RMST: variants seen among roughly 807,000 people sequenced by gnomAD.
The protein encoded by RMST is long intergenic non-protein coding RNA 54.
chr12:97,516,733 T>C (rs988476455), intron 10 of RMST, among the ~76,000 whole-genome samples: 14 of 151,898 alleles, frequency 9.2e-5, no homozygotes, highest in Admixed American at 2.0e-4. Flanking sequence ...TTTATGTTAG[T>C]TTTGTGTTAA....
intron 10 of RMST, chr12:97,530,375 T>G (rs1881518015): frequency 6.6e-6 from 1 of 152,084 alleles, no homozygotes; most frequent in African/African-American, 2.4e-5. Flanking sequence ...AAATCAATCT[T>G]GTCACTCCTC....
chr12:97,507,446 T>G (rs979305929), intron 10 of RMST, among the ~76,000 whole-genome samples: 3 of 152,110 alleles, frequency 2.0e-5, no homozygotes, highest in African/African-American at 7.2e-5. Flanking sequence ...GAAGACAGAC[T>G]AGATTCAATA....
Position 97,506,305 on chromosome 12 carries a change from T to A in RMST, n.1340+10249T>A, listed in dbSNP as rs559147879. On this transcript the variant is annotated intron_variant and non_coding_transcript_variant, in intron 10 of 13. Coordinates refer to ENST00000640149, the Ensembl canonical transcript of RMST. The stretch of plus-strand genomic sequence containing the variant: ...ATCTAATTCATAAAACTAATCTGTA[T>A]TTAACATGAGAGACATATTGAAATC... 2.0e-5 allele frequency among the ~76,000 whole-genome samples: 3 copies of A among 152,352 alleles called. No individual in the cohort carries two copies. In the South Asian group the frequency reaches 6.2e-4, roughly 32 times the overall value.
intron 5 of RMST, among the ~76,000 whole-genome samples, chr12:97,477,888 T>C (rs1187482561): frequency 6.6e-6 from 1 of 152,218 alleles, no homozygotes; most frequent in Non-Finnish European, 1.5e-5. Flanking sequence ...TTATTCAGCA[T>C]TGTCTAGGGA....
rs370256223 is a variant in RMST at position 97,499,591 on chromosome 12, A to G, written n.1340+3535A>G. ...ATCAAAGTGTTTTGTAAACTCTAAA[A>G]TGATATAGAGCTTTTTATGTTTTCT... On this transcript the variant is annotated intron_variant and non_coding_transcript_variant, in intron 10 of 13. Coordinates refer to ENST00000640149, the Ensembl canonical transcript of RMST. 2.4e-4 allele frequency among the ~76,000 whole-genome samples: 37 copies of G among 151,074 alleles called. No homozygotes were observed. The East Asian group carries it at 5.0e-3, about 21-fold the overall frequency.
intron 10 of RMST, among the ~76,000 whole-genome samples, chr12:97,526,583 G>T (rs180826045): frequency 7.2e-5 from 11 of 151,828 alleles, no homozygotes; most frequent in African/African-American, 2.7e-4. Flanking sequence ...TAAGCAATGG[G>T]GAAAAAATAA....
intron 11 of RMST, among the ~76,000 whole-genome samples, chr12:97,543,870 C>A (rs1565936630): frequency 6.6e-6 from 1 of 152,012 alleles, no homozygotes; most frequent in Non-Finnish European, 1.5e-5. Context: ...ATGTATCCAT[C>A]ATTTTGGTAA....
intron 10 of RMST, among the ~76,000 whole-genome samples, chr12:97,524,075 CA>C (rs537840796): frequency 0.063 from 3,486 of 55,660 alleles, 446 homozygotes; most frequent in African/African-American, 0.12. Flanking sequence ...GACTCTGTCT[CA>C]AAAAAAAAAA....
chr12:97,561,148 CT>C (rs1281604181), intron 13 of RMST: 2 of 152,220 alleles, frequency 1.3e-5, no homozygotes, highest in Non-Finnish European at 1.5e-5. Context: ...CTAAAGAGTG[CT>C]CAGAGCATTT....
chr12:97,528,811 A>G (rs1431468785), intron 10 of RMST, among the ~76,000 whole-genome samples: 1 of 152,112 alleles, frequency 6.6e-6, no homozygotes, highest in East Asian at 1.9e-4. Context: ...ATTTCTTGAG[A>G]AACGGCTATG....
chr12:97,558,635 T>C (rs937600621), intron 11 of RMST, among the ~76,000 whole-genome samples: 1 of 152,190 alleles, frequency 6.6e-6, no homozygotes, highest in Non-Finnish European at 1.5e-5. Flanking sequence ...ATTACAAACA[T>C]AAATTCCTGA....
chr12:97,525,876 C>A (rs193162069), intron 10 of RMST, among the ~76,000 whole-genome samples: 3 of 152,092 alleles, frequency 2.0e-5, no homozygotes, highest in Non-Finnish European at 4.4e-5. Flanking sequence ...TGCATTACAA[C>A]CTGAGCTTCG....
At position 97,555,075 on chromosome 12, in the gene RMST, G is replaced by C. The variant is rs565394015; in HGVS notation, n.1546-5462G>C. On this transcript the variant is annotated intron_variant and non_coding_transcript_variant, in intron 11 of 13. Coordinates refer to ENST00000640149, the Ensembl canonical transcript of RMST. ...TGTTAATTAAACCTTTGCAGGGTTGGAATGGGTCATCCCATTCTGTACTAA... is the reference window on the plus strand; with the variant it reads ...TGTTAATTAAACCTTTGCAGGGTTGCAATGGGTCATCCCATTCTGTACTAA... 1.1e-3 allele frequency among the ~76,000 whole-genome samples: 166 copies of C among 152,306 alleles called. 1 individual carries two copies. In the Middle Eastern group the frequency reaches 0.017, roughly 16 times the overall value.
At chr12:97,462,834 G>C (rs962704973) in exon 3 of RMST, 1 of 152,228 alleles carries the variant, frequency 6.6e-6, no homozygotes, top group African/African-American at 2.4e-5. Flanking sequence ...GGCAGCACTA[G>C]CACTCTGGAG....
At chr12:97,478,868 T>A (rs1490016188) in intron 5 of RMST, among the ~76,000 whole-genome samples, 1 of 152,158 alleles carries the variant, frequency 6.6e-6, no homozygotes, top group Admixed American at 6.5e-5. Context: ...CCTGCCATCC[T>A]AGGACCAGGG....
chr12:97,549,188 A>G (rs941497757), intron 11 of RMST, among the ~76,000 whole-genome samples: 1 of 152,228 alleles, frequency 6.6e-6, no homozygotes, highest in Admixed American at 6.5e-5. Flanking sequence ...CCTTAAGGGA[A>G]CATTGGTAGA....
chr12:97,489,402 G>A (rs1418153247), intron 5 of RMST, among the ~76,000 whole-genome samples: 3 of 151,560 alleles, frequency 2.0e-5, no homozygotes, highest in East Asian at 3.9e-4. Flanking sequence ...AGCTGTGATC[G>A]TGCCACTGCA....
At chr12:97,468,681 C>T (rs966973618) in intron 5 of RMST, among the ~76,000 whole-genome samples, 5 of 151,888 alleles carry the variant, frequency 3.3e-5, no homozygotes, top group Admixed American at 6.6e-5. Context: ...TTAATTATCA[C>T]GATCTCAAGT....
At chr12:97,483,981 C>A (rs2136429959) in intron 5 of RMST, among the ~76,000 whole-genome samples, 1 of 152,206 alleles carries the variant, frequency 6.6e-6, no homozygotes, top group East Asian at 1.9e-4. Flanking sequence ...TTTCTTTCTT[C>A]TTTAAGCACT....
Sources: gnomAD v4.1 joint callset for allele counts (sites outside exome capture counted in the v4.1 genomes callset) on GRCh38, gnomAD v4.1.1 for gene constraint, MANE v1.5 for transcripts, NCBI Gene and HGNC (gene_info 2026-07-23, HGNC 2026-07-21) for gene names.